Variants in ANKRD27 observed in about 807,000 individuals in gnomAD.
The protein encoded by ANKRD27 is ankyrin repeat domain 27, also known as ankyrin repeat domain-containing protein 27.
A neutral mutation model predicts 129.7 loss-of-function variants in ANKRD27; 112 were observed. The ratio of observed to expected loss-of-function variants is 0.86; its 90% CI spans 0.74 to 1.01. The LOEUF is 1.01. ANKRD27 is among the 50% of genes least tolerant of loss of function. ANKRD27 has a pLI of 0.00. For missense variants in ANKRD27, 1,258 were observed against 1,300.5 expected (o/e 0.97, Z 0.50); for synonymous variants, 516 against 511.2 (o/e 1.01, Z -0.13).
chr19:32,604,111 C>A (rs985993032), intron 25 of ANKRD27, 152 bp downstream of exon 25: 2 of 759,104 alleles, frequency 2.6e-6, no homozygotes, highest in Non-Finnish European at 4.0e-6. Context: ...AGCCATCTAC[C>A]CACGCTGTGG....
intron 25 of ANKRD27, among the ~76,000 whole-genome samples, chr19:32,603,001 A>C (rs1599731511): frequency 6.6e-6 from 1 of 152,046 alleles, no homozygotes; most frequent in African/African-American, 2.4e-5. Flanking sequence ...TCTGTCACTG[A>C]AAATTAATAT....
At chr19:32,662,999 G>A (rs1038105222) in intron 1 of ANKRD27, among the ~76,000 whole-genome samples, 5 of 152,242 alleles carry the variant, frequency 3.3e-5, no homozygotes, top group African/African-American at 1.2e-4. Flanking sequence ...CCGAGATCAC[G>A]CCACTTCACT....
In ANKRD27 at chr19:32,658,165, GA is replaced by G. The variant is rs1359855400; in HGVS notation, c.102+748del. Among the ~76,000 whole-genome samples, 3 of 152,154 alleles carry G rather than the reference GA, an allele frequency of 2.0e-5. No individual in the cohort carries two copies. In the South Asian group the frequency reaches 6.2e-4, roughly 32 times the overall value. ...TGGACATCCATTTGAGAGAGTAGGGGACAACAGACAAAAAGAAGACGGAAGA... is the reference window on the plus strand; with the variant it reads ...TGGACATCCATTTGAGAGAGTAGGGGCAACAGACAAAAAGAAGACGGAAGA... On this transcript the variant is annotated intron_variant, in intron 2 of 28. Transcript: ENST00000306065.
chr19:32,630,683 T>A (rs980795601), intron 13 of ANKRD27, among the ~76,000 whole-genome samples: 1 of 152,054 alleles, frequency 6.6e-6, no homozygotes, highest in East Asian at 1.9e-4. Flanking sequence ...TAGGCTGGAG[T>A]GCAACGGCAC....
intron 1 of ANKRD27, chr19:32,673,126 A>G (rs914627213): frequency 1.2e-5 from 2 of 165,110 alleles, no homozygotes; most frequent in Admixed American, 6.5e-5. Context: ...AAGAGGCACA[A>G]CGGAGACCCT....
chr19:32,599,088 T>C (rs1971612557), intron 28 of ANKRD27, among the ~76,000 whole-genome samples: 1 of 152,278 alleles, frequency 6.6e-6, no homozygotes, highest in East Asian at 1.9e-4. Flanking sequence ...AAGACCAGCC[T>C]GGCCAACGTG....
intron 1 of ANKRD27, among the ~76,000 whole-genome samples, chr19:32,672,548 G>C (rs2145333160): frequency 6.6e-6 from 1 of 152,288 alleles, no homozygotes; most frequent in South Asian, 2.1e-4. Flanking sequence ...GGGTAGGTGA[G>C]GGGCTAACCC....
chr19:32,622,234 C>T (rs906822133), intron 18 of ANKRD27, among the ~76,000 whole-genome samples, 188 bp downstream of exon 18: 1 of 152,162 alleles, frequency 6.6e-6, no homozygotes, highest in Non-Finnish European at 1.5e-5. Flanking sequence ...GAAAAACGCC[C>T]ACTCAAACCA....
At chr19:32,621,062 G>A (rs1305785986) in intron 18 of ANKRD27, among the ~76,000 whole-genome samples, 1 of 152,036 alleles carries the variant, frequency 6.6e-6, no homozygotes, top group South Asian at 2.1e-4. Context: ...CCTCAATAAA[G>A]AGGTTTAGAG....
intron 12 of ANKRD27, among the ~76,000 whole-genome samples, chr19:32,633,099 C>T (rs1406161160): frequency 9.9e-5 from 15 of 152,284 alleles, no homozygotes; most frequent in Non-Finnish European, 2.9e-5. Context: ...AAATCCAGCA[C>T]TCTTTCCGCA....
chr19:32,674,905 G>A (rs1350777839), intron 1 of ANKRD27, among the ~76,000 whole-genome samples, 166 bp downstream of exon 1: 2 of 151,936 alleles, frequency 1.3e-5, no homozygotes, highest in Non-Finnish European at 2.9e-5. Flanking sequence ...TGGGGACGCG[G>A]GGGCTGGGGC....
At chr19:32,659,287 G>T (rs1035012025) in intron 1 of ANKRD27, among the ~76,000 whole-genome samples, 10 of 152,004 alleles carry the variant, frequency 6.6e-5, no homozygotes, top group African/African-American at 2.4e-4. Flanking sequence ...TGCCATGTTG[G>T]CCAGGCTGGT....
intron 1 of ANKRD27, among the ~76,000 whole-genome samples, chr19:32,669,458 T>G (rs1967824580): frequency 6.6e-6 from 1 of 152,166 alleles, no homozygotes; most frequent in Admixed American, 6.6e-5. Context: ...AACACAAAAC[T>G]CTTTCTAGTT....
intron 1 of ANKRD27, among the ~76,000 whole-genome samples, chr19:32,671,372 C>T (rs1450689710): frequency 6.6e-6 from 1 of 151,906 alleles, no homozygotes; most frequent in African/African-American, 2.4e-5. Context: ...CTTAAAAAAA[C>T]AGTTTTATAC....
At chr19:32,665,099 T>C (rs1016845134) in intron 1 of ANKRD27, among the ~76,000 whole-genome samples, 3 of 151,978 alleles carry the variant, frequency 2.0e-5, no homozygotes, top group Non-Finnish European at 2.9e-5. Context: ...AGAGACCACA[T>C]ATGAACATTT....
chr19:32,649,578 C>A, intron 3 of ANKRD27, 104 bp downstream of exon 3: 1 of 813,916 alleles, frequency 1.2e-6, no homozygotes, highest in Non-Finnish European at 2.1e-6. Flanking sequence ...TCAAATGCCA[C>A]CATTGCCAGT....
chr19:32,658,979 A>G lies in ANKRD27; in HGVS notation c.37T>C (p.Phe13Leu). The G allele has an allele frequency of 6.2e-7, 1 of 1,614,032 alleles. No homozygotes were observed. The highest frequency in any genetic ancestry group is 8.5e-7 in the Non-Finnish European group (1 of 1,179,990). Reference sequence around the variant, plus strand: ...CGGCACTTTTGCAGAGCCAGATAGAAAGGATTTTTCAGGAGGTCTTCATCA... The same window carrying G: ...CGGCACTTTTGCAGAGCCAGATAGAGAGGATTTTTCAGGAGGTCTTCATCA... ...LYDEDLLKNPFYLALQKCRPD... is the reference protein window; with the variant it reads ...LYDEDLLKNPLYLALQKCRPD... The change falls in exon 2 of 29, where the codon TTC becomes CTC. Residue 13 changes from phenylalanine to leucine, a missense_variant. Phe to Leu is a conservative substitution (Grantham distance 22). Transcript: ENST00000306065.
At chr19:32,613,892 TA>T (rs972680734) in intron 22 of ANKRD27, among the ~76,000 whole-genome samples, 6 of 152,044 alleles carry the variant, frequency 3.9e-5, no homozygotes, top group African/African-American at 1.4e-4. Flanking sequence ...GTATATTTAG[TA>T]GAGACGGGGT....
At chr19:32,673,548 A>G in intron 1 of ANKRD27, 1 of 639,604 alleles carries the variant, frequency 1.6e-6, no homozygotes, top group Non-Finnish European at 1.9e-6. Flanking sequence ...CAGCTTCCTC[A>G]CCCTCTGCTG....
Sources: gnomAD v4.1 joint callset for allele counts (sites outside exome capture counted in the v4.1 genomes callset) on GRCh38, gnomAD v4.1.1 for gene constraint, MANE v1.5 for transcripts, NCBI Gene and HGNC (gene_info 2026-07-23, HGNC 2026-07-21) for gene names.